Variants in RBFOX1 observed in about 807,000 individuals in gnomAD.
The protein encoded by RBFOX1 is RNA binding fox-1 homolog 1.
A neutral mutation model predicts 57.7 loss-of-function variants in RBFOX1; 8 were observed. The observed-to-expected ratio is 0.14, with a 90% confidence interval of 0.08 to 0.25. The LOEUF (loss-of-function observed/expected upper bound fraction) is 0.25. Ranked by LOEUF, RBFOX1 falls within the 10% of genes least tolerant of loss-of-function variation. The pLI is 1.00. For missense variants in RBFOX1, 611 were observed against 548.5 expected, an observed-to-expected ratio of 1.11 and a Z score of -1.14; for synonymous variants, 326 against 222.4, an observed-to-expected ratio of 1.47 and a Z score of -4.15.
chr16:7,561,349 C>T (rs1407697164), intron 5 of RBFOX1, among the ~76,000 whole-genome samples: 1 of 152,162 alleles, frequency 6.6e-6, no homozygotes, highest in Non-Finnish European at 1.5e-5. Flanking sequence ...GCATGCTATC[C>T]CCATCTAGAT....
At chr16:7,555,691 C>A (rs1419946978) in intron 5 of RBFOX1, among the ~76,000 whole-genome samples, 1 of 152,140 alleles carries the variant, frequency 6.6e-6, no homozygotes, top group Non-Finnish European at 1.5e-5. Flanking sequence ...ACCGCAGGAC[C>A]TTTGCACTGG....
At chr16:6,953,640 G>C (rs1337935941) in intron 3 of RBFOX1, among the ~76,000 whole-genome samples, 4 of 152,104 alleles carry the variant, frequency 2.6e-5, no homozygotes, top group African/African-American at 7.2e-5. Context: ...ACTCATCTCG[G>C]CCTCCCAAAG....
At position 5,319,383 on chromosome 16, in the gene RBFOX1, T is replaced by C. The variant is rs149020848; in HGVS notation, c.219+79278T>C. Among the ~76,000 whole-genome samples the C allele has an allele frequency of 7.9e-5, 12 of 152,308 alleles. No individual in the cohort carries two copies. The East Asian group carries it at 2.3e-3, about 29-fold the overall frequency. Reference sequence around the variant, plus strand: ...TGAATTTGTCTTTGGTTCACAGCCCTGTTCTAGTGGTCTCTGACTGTCTGC... The same window carrying C: ...TGAATTTGTCTTTGGTTCACAGCCCCGTTCTAGTGGTCTCTGACTGTCTGC... On this transcript the variant is annotated intron_variant, in intron 1 of 2. Coordinates refer to the RBFOX1 transcript ENST00000585867.
chr16:6,093,427 A>G (rs2152537266), intron 1 of RBFOX1, among the ~76,000 whole-genome samples: 1 of 152,190 alleles, frequency 6.6e-6, no homozygotes, highest in South Asian at 2.1e-4. Flanking sequence ...TAATAATAAA[A>G]TCATAGTATA....
chr16:6,596,584 A>C (rs924600531), intron 2 of RBFOX1, among the ~76,000 whole-genome samples: 5 of 152,206 alleles, frequency 3.3e-5, no homozygotes, highest in African/African-American at 1.2e-4. Flanking sequence ...GTAATTCTTA[A>C]TGAGAACAGA....
At chr16:7,574,735 G>T (rs1438345215) in intron 5 of RBFOX1, among the ~76,000 whole-genome samples, 1 of 152,100 alleles carries the variant, frequency 6.6e-6, no homozygotes, top group Non-Finnish European at 1.5e-5. Context: ...CACACTAACA[G>T]ACACACCCAG....
At chr16:6,042,258 G>A (rs2095445215) in intron 1 of RBFOX1, among the ~76,000 whole-genome samples, 1 of 151,848 alleles carries the variant, frequency 6.6e-6, no homozygotes, top group African/African-American at 2.4e-5. Flanking sequence ...ACACCACCAT[G>A]CCCAGTTAAT....
At chr16:5,471,668 C>G (rs568035097) in intron 2 of RBFOX1, among the ~76,000 whole-genome samples, 144 of 152,316 alleles carry the variant, frequency 9.5e-4, no homozygotes, top group African/African-American at 3.4e-3. Context: ...GGTCCTCACT[C>G]CTGAGTGTGA....
Position 5,481,737 on chromosome 16 carries a change from A to G in RBFOX1, c.258+14483A>G, listed in dbSNP as rs75320992. Among the ~76,000 whole-genome samples, 1,399 of 152,262 alleles carry G rather than the reference A, an allele frequency of 9.2e-3. 15 individuals carry two copies. Among genetic ancestry groups the G allele is most frequent in the African/African-American group, 0.029 (1,216 of 41,552 alleles). ...GACAACAGAACTGCATTCTGCCATCATTCTGGAGGCTGCGAGTATGAGACC... is the reference window on the plus strand; with the variant it reads ...GACAACAGAACTGCATTCTGCCATCGTTCTGGAGGCTGCGAGTATGAGACC... On this transcript the variant is annotated intron_variant, in intron 2 of 2. Coordinates refer to the RBFOX1 transcript ENST00000585867.
chr16:5,911,922 G>A (rs1249745021), intron 4 of RBFOX1, among the ~76,000 whole-genome samples: 1 of 152,196 alleles, frequency 6.6e-6, no homozygotes, highest in African/African-American at 2.4e-5. Flanking sequence ...TCGGATTTCA[G>A]TATATGAATT....
intron 1 of RBFOX1, among the ~76,000 whole-genome samples, chr16:5,289,592 C>T (rs1273395955): frequency 2.0e-5 from 3 of 151,788 alleles, no homozygotes; most frequent in Admixed American, 6.6e-5. Flanking sequence ...CTTTTTAAAA[C>T]GTGGTTACTA....
At position 5,743,555 on chromosome 16, in the gene RBFOX1, A is replaced by G. The variant is rs577689090; in HGVS notation, c.319-123748A>G. 3.9e-5 allele frequency among the ~76,000 whole-genome samples: 6 copies of G among 152,244 alleles called. 1 individual carries two copies. The South Asian group carries it at 1.2e-3, about 32-fold the overall frequency. On this transcript the variant is annotated intron_variant, in intron 3 of 19. Transcript: ENST00000641259. ...ACATATTAAAATGATCATTTTTTGC[A>G]TGTTGTGTTAAGTAAAACCTATCTT...
intron 2 of RBFOX1, among the ~76,000 whole-genome samples, chr16:6,618,964 G>A (rs1169380344): frequency 6.6e-6 from 1 of 152,134 alleles, no homozygotes; most frequent in Non-Finnish European, 1.5e-5. Context: ...AATGCAAAAG[G>A]GTTATTTATA....
chr16:7,244,803 A>G (rs981768954), intron 4 of RBFOX1, among the ~76,000 whole-genome samples: 8 of 152,200 alleles, frequency 5.3e-5, no homozygotes, highest in African/African-American at 1.7e-4. Context: ...CATCAGACAT[A>G]TGGCTGTCTT....
chr16:7,029,839 A>G lies in RBFOX1; in HGVS notation c.-15-22218A>G, dbSNP rs150846781. Among the ~76,000 whole-genome samples, 836 of 152,310 alleles carry G rather than the reference A, an allele frequency of 5.5e-3. 9 individuals are homozygous for G. The highest frequency in any genetic ancestry group is 0.02 in the Middle Eastern group (6 of 294). Reference sequence around the variant, plus strand: ...AGCATGGCTTGTGGATTTCTTGAAGATGAAAGAATGATAACTTGATTCTTA... The same window carrying G: ...AGCATGGCTTGTGGATTTCTTGAAGGTGAAAGAATGATAACTTGATTCTTA... On this transcript the variant is annotated intron_variant, in intron 3 of 15. Coordinates refer to ENST00000550418, the MANE Select transcript of RBFOX1 (RefSeq NM_018723.4).
At chr16:5,693,043 G>C (rs962486826) in intron 3 of RBFOX1, among the ~76,000 whole-genome samples, 1 of 152,182 alleles carries the variant, frequency 6.6e-6, no homozygotes, top group African/African-American at 2.4e-5. Context: ...GGTGTTTTAA[G>C]TATGGAAGTT....
chr16:6,805,176 T>C (rs2086446767), intron 3 of RBFOX1, among the ~76,000 whole-genome samples: 1 of 151,730 alleles, frequency 6.6e-6, no homozygotes, highest in Admixed American at 6.6e-5. Flanking sequence ...CTAAAGAAAA[T>C]GTGGTACATC....
intron 2 of RBFOX1, among the ~76,000 whole-genome samples, chr16:6,365,976 G>A (rs2089526543): frequency 6.6e-6 from 1 of 151,092 alleles, no homozygotes. Flanking sequence ...TCCTTCTCTG[G>A]GTGTTTTTTT....
At chr16:7,408,819 G>C (rs1473117236) in intron 4 of RBFOX1, among the ~76,000 whole-genome samples, 1 of 152,156 alleles carries the variant, frequency 6.6e-6, no homozygotes, top group Non-Finnish European at 1.5e-5. Flanking sequence ...AATGTCTCCA[G>C]ATACTGCCAT....
Sources: allele counts gnomAD v4.1 joint callset (sites outside exome capture counted in the v4.1 genomes callset), GRCh38; gene constraint gnomAD v4.1.1; transcripts MANE v1.5; gene names NCBI Gene and HGNC (gene_info 2026-07-23, HGNC 2026-07-21).